The following TLE4 variants were observed in gnomAD, a reference collection of about 807,000 sequenced individuals.
The protein encoded by TLE4 is transducin-like enhancer protein 4.
In TLE4, 8 loss-of-function variants were observed where a neutral mutation model predicts 92.8. The observed-to-expected ratio is 0.09, with a 90% CI of 0.05 to 0.16. TLE4 has a LOEUF of 0.16. Ranked by LOEUF, TLE4 falls within the 10% of genes least tolerant of loss-of-function variation. TLE4 has a pLI of 1.00. For missense variants in TLE4, 675 were observed against 997.6 expected (o/e 0.68, Z 4.36); for synonymous variants, 371 against 374.1 (o/e 0.99, Z 0.10).
chr9:79,657,778 A>C (rs1332794218), intron 8 of TLE4, among the ~76,000 whole-genome samples: 1 of 152,220 alleles, frequency 6.6e-6, no homozygotes, highest in Non-Finnish European at 1.5e-5. Context: ...AGCAAAAAAT[A>C]GGCACCAAAA....
chr9:79,572,942 C>T, intron 1 of TLE4, 107 bp downstream of exon 1: 1 of 1,240,166 alleles, frequency 8.1e-7, no homozygotes. Flanking sequence ...TGGAGAGCCG[C>T]CCGAAATCGG....
At chr9:79,700,056 C>A (rs531661864) in intron 8 of TLE4, among the ~76,000 whole-genome samples, 2 of 152,322 alleles carry the variant, frequency 1.3e-5, no homozygotes, top group Admixed American at 6.5e-5. Flanking sequence ...GTCCAGTATA[C>A]AGTGATAGGA....
chr9:79,655,486 T>G (rs137873359), intron 8 of TLE4, among the ~76,000 whole-genome samples: 2 of 152,236 alleles, frequency 1.3e-5, no homozygotes, highest in Non-Finnish European at 2.9e-5. Context: ...AAATAAAACT[T>G]GAGCCTATCT....
intron 8 of TLE4, among the ~76,000 whole-genome samples, chr9:79,678,980 C>T (rs1299136984): frequency 6.6e-6 from 1 of 152,072 alleles, no homozygotes; most frequent in Admixed American, 6.6e-5. Flanking sequence ...CATAGTATTC[C>T]ATGATGTATA....
At chr9:79,668,241 T>G (rs1196108849) in intron 8 of TLE4, among the ~76,000 whole-genome samples, 1 of 152,230 alleles carries the variant, frequency 6.6e-6, no homozygotes, top group African/African-American at 2.4e-5. Flanking sequence ...TGCTTGTTGC[T>G]GTTACCCCCA....
chr9:79,655,636 T>A (rs967140984), intron 8 of TLE4, among the ~76,000 whole-genome samples: 2 of 152,248 alleles, frequency 1.3e-5, no homozygotes, highest in African/African-American at 4.8e-5. Flanking sequence ...ATCATATGCA[T>A]ATCAGTACTT....
chr9:79,721,558 C>A (rs927110787), intron 16 of TLE4, among the ~76,000 whole-genome samples, 183 bp from the exon 17 acceptor site: 2 of 152,074 alleles, frequency 1.3e-5, no homozygotes, highest in African/African-American at 4.8e-5. Context: ...GCAAAAAGTA[C>A]AGGACATGTG....
chr9:79,635,557 T>A (rs992116275), intron 6 of TLE4, among the ~76,000 whole-genome samples: 1 of 151,976 alleles, frequency 6.6e-6, no homozygotes, highest in African/African-American at 2.4e-5. Flanking sequence ...TGGTAAGATA[T>A]ATGCATTAAG....
chr9:79,652,303 C>T (rs2059146627), intron 6 of TLE4, among the ~76,000 whole-genome samples: 1 of 152,114 alleles, frequency 6.6e-6, no homozygotes, highest in African/African-American at 2.4e-5. Flanking sequence ...TCTCCTGCCT[C>T]AGCCTCCCCA....
chr9:79,657,566 A>C (rs895423328), intron 8 of TLE4, among the ~76,000 whole-genome samples: 6 of 152,130 alleles, frequency 3.9e-5, no homozygotes, highest in Admixed American at 2.6e-4. Flanking sequence ...CAGTTCATTA[A>C]GAGGAGTCAG....
At chr9:79,621,354 G>C (rs1369952301) in intron 5 of TLE4, among the ~76,000 whole-genome samples, 1 of 152,144 alleles carries the variant, frequency 6.6e-6, no homozygotes, top group African/African-American at 2.4e-5. Flanking sequence ...ATTGTTGAGT[G>C]ACCTTAGGAT....
At chr9:79,621,687 C>G (rs566097399) in intron 5 of TLE4, among the ~76,000 whole-genome samples, 1 of 152,018 alleles carries the variant, frequency 6.6e-6, no homozygotes, top group South Asian at 2.1e-4. Flanking sequence ...TGCTCAGCCC[C>G]GGCAGTGTTT....
At chr9:79,648,341 AG>A (rs1395894808) in intron 6 of TLE4, among the ~76,000 whole-genome samples, 1 of 152,146 alleles carries the variant, frequency 6.6e-6, no homozygotes, top group Admixed American at 6.5e-5. Context: ...CTGGCAAGTC[AG>A]GGTCTTCTTA....
At chr9:79,644,287 T>C (rs967800378) in intron 6 of TLE4, among the ~76,000 whole-genome samples, 7 of 152,114 alleles carry the variant, frequency 4.6e-5, no homozygotes, top group African/African-American at 1.7e-4. Flanking sequence ...GATTTTAAGC[T>C]TCCTGAGGCC....
chr9:79,647,658 TTGCATACCTACTAAG>T (rs1373822399), intron 6 of TLE4, among the ~76,000 whole-genome samples: 2 of 152,178 alleles, frequency 1.3e-5, no homozygotes, highest in African/African-American at 4.8e-5. Context: ...GGTAATCTGT[TTGCATACCTACTAAG>T]TGTGAGAAAT....
At chr9:79,626,861 C>A (rs2133528375) in intron 5 of TLE4, among the ~76,000 whole-genome samples, 1 of 152,118 alleles carries the variant, frequency 6.6e-6, no homozygotes, top group East Asian at 1.9e-4. Context: ...GTTAAAACAC[C>A]AACAATTTGC....
intron 5 of TLE4, among the ~76,000 whole-genome samples, chr9:79,620,758 A>G (rs1468297030): frequency 1.3e-5 from 2 of 152,328 alleles, no homozygotes; most frequent in Non-Finnish European, 2.9e-5. Context: ...ATTTATAAAG[A>G]AAAGGCTTTA....
intron 8 of TLE4, among the ~76,000 whole-genome samples, chr9:79,681,211 A>G (rs1371586542): frequency 6.6e-6 from 1 of 152,176 alleles, no homozygotes; most frequent in Non-Finnish European, 1.5e-5. Context: ...GTCTGTGAAT[A>G]CATCCAAAAA....
chr9:79,665,616 T>C (rs1359005158), intron 8 of TLE4, among the ~76,000 whole-genome samples: 3 of 152,216 alleles, frequency 2.0e-5, no homozygotes, highest in African/African-American at 4.8e-5. Context: ...CTGACAGTAA[T>C]GCCAGTGGCA....
Sources: allele counts gnomAD v4.1 joint callset (sites outside exome capture counted in the v4.1 genomes callset), GRCh38; gene constraint gnomAD v4.1.1; transcripts MANE v1.5; gene names NCBI Gene and HGNC (gene_info 2026-07-23, HGNC 2026-07-21).